Variants in CTDSPL observed in about 807,000 individuals in gnomAD.
The protein encoded by CTDSPL is CTD small phosphatase-like protein.
CTDSPL carries 8 observed loss-of-function variants against 30.5 expected under a neutral mutation model. The ratio of observed to expected loss-of-function variants is 0.26; its 90% CI spans 0.15 to 0.47. The LOEUF (loss-of-function observed/expected upper bound fraction) is 0.47, where lower values mean the gene tolerates loss of function less well. Ranked by LOEUF, CTDSPL falls within the 20% of genes least tolerant of loss-of-function variation. The pLI, the probability that CTDSPL is intolerant of heterozygous loss-of-function variation, is 0.99. For missense variants in CTDSPL, 248 were observed against 366.1 expected (o/e 0.68, Z 2.63); for synonymous variants, 110 against 137.9 (o/e 0.80, Z 1.42).
intron 1 of CTDSPL, among the ~76,000 whole-genome samples, chr3:37,896,329 ACAG>A (rs1261594827): frequency 6.6e-6 from 1 of 152,174 alleles, no homozygotes; most frequent in Non-Finnish European, 1.5e-5. Flanking sequence ...GTATCTTAAA[ACAG>A]CAGGACAGAG....
chr3:37,872,208 G>A (rs1355489854), intron 1 of CTDSPL, among the ~76,000 whole-genome samples: 1 of 151,972 alleles, frequency 6.6e-6, no homozygotes, highest in Non-Finnish European at 1.5e-5. Flanking sequence ...TGTTACCCAG[G>A]CTTTAAACAT....
At chr3:37,965,620 C>T (rs1699291663) in intron 4 of CTDSPL, among the ~76,000 whole-genome samples, 1 of 152,192 alleles carries the variant, frequency 6.6e-6, no homozygotes, top group African/African-American at 2.4e-5. Flanking sequence ...GGTCACCATC[C>T]ATGATGGGGC....
chr3:37,949,354 C>T (rs918429186), intron 2 of CTDSPL, among the ~76,000 whole-genome samples: 1 of 152,102 alleles, frequency 6.6e-6, no homozygotes, highest in African/African-American at 2.4e-5. Flanking sequence ...AAAGATTTAA[C>T]CATGAGGTAC....
At chr3:37,943,955 C>G (rs1459674150) in intron 1 of CTDSPL, among the ~76,000 whole-genome samples, 1 of 150,162 alleles carries the variant, frequency 6.7e-6, no homozygotes, top group African/African-American at 2.4e-5. Context: ...TATCATAGAC[C>G]AGGAGTGGCT....
chr3:37,896,602 T>C (rs1698393110), intron 1 of CTDSPL, among the ~76,000 whole-genome samples: 1 of 152,012 alleles, frequency 6.6e-6, no homozygotes, highest in Admixed American at 6.6e-5. Flanking sequence ...AGTGGTGTGA[T>C]CACAGCTTAC....
intron 1 of CTDSPL, among the ~76,000 whole-genome samples, chr3:37,915,669 AT>A (rs1698637624): frequency 6.6e-6 from 1 of 152,134 alleles, no homozygotes; most frequent in South Asian, 2.1e-4. Context: ...CTTCAATTTT[AT>A]CTTTTACCTC....
chr3:37,963,558 T>C (rs1699266155), intron 3 of CTDSPL, among the ~76,000 whole-genome samples: 1 of 152,218 alleles, frequency 6.6e-6, no homozygotes, highest in South Asian at 2.1e-4. Context: ...TTGACCTTCT[T>C]TGCAGGTCAG....
intron 1 of CTDSPL, among the ~76,000 whole-genome samples, chr3:37,934,461 A>G (rs1394388076): frequency 2.6e-5 from 4 of 152,244 alleles, no homozygotes; most frequent in Non-Finnish European, 5.9e-5. Flanking sequence ...TAAACATGAT[A>G]TAGATTGTAC....
chr3:37,902,836 A>C (rs1698467136), intron 1 of CTDSPL, among the ~76,000 whole-genome samples: 1 of 152,168 alleles, frequency 6.6e-6, no homozygotes, highest in South Asian at 2.1e-4. Context: ...TCCTCAACAC[A>C]GGCCTGTGGC....
chr3:37,970,178 T>C (rs1228653526), intron 5 of CTDSPL, among the ~76,000 whole-genome samples: 1 of 152,210 alleles, frequency 6.6e-6, no homozygotes, highest in African/African-American at 2.4e-5. Context: ...TACTGTTTCC[T>C]CTGCCTGAAA....
At position 37,961,627 on chromosome 3, in the gene CTDSPL, C is replaced by T. The variant is rs187692955; in HGVS notation, c.268-2944C>T. On this transcript the variant is annotated intron_variant, in intron 3 of 7. Coordinates refer to ENST00000273179, the MANE Select transcript of CTDSPL (RefSeq NM_001008392.2). ...TACAGCAATAGTACACTTCTTTCCA[C>T]GAAAACATTATGAAGAACATACAAG... is the stretch of plus-strand genomic sequence containing the variant. 5.4e-3 allele frequency among the ~76,000 whole-genome samples: 817 copies of T among 152,232 alleles called. 28 individuals carry two copies. The highest frequency in any genetic ancestry group is 0.048 in the Admixed American group (737 of 15,270).
intron 1 of CTDSPL, among the ~76,000 whole-genome samples, chr3:37,906,000 C>T (rs1475742283): frequency 6.6e-6 from 1 of 152,170 alleles, no homozygotes; most frequent in Non-Finnish European, 1.5e-5. Context: ...TTTTCTGGGC[C>T]AGGCCTTTCC....
At chr3:37,970,022 C>T (rs888433198) in intron 5 of CTDSPL, among the ~76,000 whole-genome samples, 1 of 152,214 alleles carries the variant, frequency 6.6e-6, no homozygotes, top group East Asian at 1.9e-4. Context: ...AATGTGCCCA[C>T]TGTGACCTGC....
At chr3:37,938,716 T>C (rs1313613520) in intron 1 of CTDSPL, among the ~76,000 whole-genome samples, 1 of 148,840 alleles carries the variant, frequency 6.7e-6, no homozygotes, top group Non-Finnish European at 1.5e-5. Flanking sequence ...AGTCTTGCTC[T>C]GTTGCCCAGG....
Position 37,942,409 on chromosome 3 carries a change from G to A in CTDSPL, c.80-4648G>A, listed in dbSNP as rs1009787528. Among the ~76,000 whole-genome samples, 4 of 150,494 alleles carry A rather than the reference G, an allele frequency of 2.7e-5. 1 individual carries two copies. Among genetic ancestry groups the A allele is most frequent in the Non-Finnish European group, 4.5e-5 (3 of 67,142 alleles). ...TGTAAGCCCAGCACTTCGGGAGGCC[G>A]AGGCAAGCAGATCACTTGAGCTCAG... is the stretch of plus-strand genomic sequence containing the variant. On this transcript the variant is annotated intron_variant, in intron 1 of 7. Transcript: ENST00000273179.
At chr3:37,864,958 A>G (rs893723667) in intron 1 of CTDSPL, among the ~76,000 whole-genome samples, 1 of 152,222 alleles carries the variant, frequency 6.6e-6, no homozygotes, top group African/African-American at 2.4e-5. Context: ...GAGATGATGT[A>G]CATTAAAGAC....
At chr3:37,957,636 G>T (rs1699189125) in intron 3 of CTDSPL, among the ~76,000 whole-genome samples, 1 of 152,220 alleles carries the variant, frequency 6.6e-6, no homozygotes, top group South Asian at 2.1e-4. Context: ...GATCAGAGAA[G>T]TCACTGTAAC....
intron 1 of CTDSPL, among the ~76,000 whole-genome samples, chr3:37,879,964 C>G (rs1698183446): frequency 6.6e-6 from 1 of 151,584 alleles, no homozygotes. Context: ...CACCACCGTG[C>G]TATTCAGTCA....
At chr3:37,973,050 G>A (rs1465056666) in intron 6 of CTDSPL, among the ~76,000 whole-genome samples, 2 of 152,220 alleles carry the variant, frequency 1.3e-5, no homozygotes, top group East Asian at 3.8e-4. Context: ...TGAGGGGCGG[G>A]AGAGCCCCAC....
Sources: gnomAD v4.1 joint callset for allele counts (sites outside exome capture counted in the v4.1 genomes callset) on GRCh38, gnomAD v4.1.1 for gene constraint, MANE v1.5 for transcripts, NCBI Gene and HGNC (gene_info 2026-07-23, HGNC 2026-07-21) for gene names.